Variants in KDM6A observed in about 807,000 individuals in gnomAD.
KDM6A encodes the protein lysine-specific demethylase 6A.
In KDM6A, 11 loss-of-function variants were observed where a neutral mutation model predicts 117.6. The ratio of observed to expected loss-of-function variants is 0.09; its 90% CI spans 0.06 to 0.15. The LOEUF is 0.15. KDM6A is among the 10% of genes least tolerant of loss of function. KDM6A has a pLI of 1.00. For missense variants in KDM6A, 799 were observed against 1,077.3 expected, an observed-to-expected ratio of 0.74 and a Z score of 3.62; for synonymous variants, 384 against 396.1, an observed-to-expected ratio of 0.97 and a Z score of 0.36.
rs754136490 is a variant in KDM6A, at chrX:44,964,942, T to G, written c.334+3550T>G. Among the ~76,000 whole-genome samples, 132 of 112,471 alleles carry G rather than the reference T, an allele frequency of 1.2e-3. 1 individual carries two copies. The highest frequency in any genetic ancestry group is 4.0e-3 in the African/African-American group (125 of 30,990). On this transcript the variant is annotated intron_variant, in intron 3 of 29. Transcript: ENST00000611820. ...CAATAGAAGGCTGTTTCACGGAGAT[T>G]GAAAATCTGTTGTTTAGTGTAGCTA... is the stretch of plus-strand genomic sequence containing the variant.
intron 2 of KDM6A, among the ~76,000 whole-genome samples, chrX:44,900,249 G>A (rs1413855988): frequency 8.9e-6 from 1 of 111,948 alleles, no homozygotes; most frequent in Non-Finnish European, 1.9e-5. Flanking sequence ...GCTTAAAATA[G>A]GCAAAGTGAT....
Position 45,059,423 on chromosome X carries a change from G to A in KDM6A, c.1151G>A (p.Cys384Tyr), listed in dbSNP as rs746139050. The change falls in exon 12 of 30, where the codon TGT becomes TAT. Residue 384 changes from cysteine (C) to tyrosine (Y), a missense_variant. Transcript: ENST00000611820. ...TTAAATGCAACTAGAAGCAAAAGTT[G>A]TAGTAATACCTCTGCACTTGCAGCA... ...CYLNATRSKS[C>Y]SNTSALAARI... is the part of the protein sequence containing the mutation. 1.7e-5 allele frequency: 21 copies of A among 1,208,479 alleles called. No individual in the cohort carries two copies. The highest frequency in any genetic ancestry group is 2.3e-5 in the Non-Finnish European group (21 of 894,178).
chrX:45,067,659 T>G (rs1017710255), intron 17 of KDM6A, among the ~76,000 whole-genome samples: 32 of 97,259 alleles, frequency 3.3e-4, no homozygotes, highest in Non-Finnish European at 6.2e-4. Flanking sequence ...TTTTGTTTTT[T>G]TTTTTTTTTT....
intron 6 of KDM6A, among the ~76,000 whole-genome samples, chrX:45,024,272 C>G (rs756391937): frequency 1.4e-4 from 16 of 111,759 alleles, no homozygotes; most frequent in African/African-American, 4.9e-4. Context: ...AAAGTGTTCC[C>G]TTTTCACCAC....
At chrX:44,997,258 A>G (rs772187376) in intron 4 of KDM6A, among the ~76,000 whole-genome samples, 2 of 111,990 alleles carry the variant, frequency 1.8e-5, no homozygotes, top group East Asian at 5.6e-4. Flanking sequence ...TTGGAGAATT[A>G]GTGTAAAGTT....
chrX:44,916,750 A>G (rs1023307577), intron 2 of KDM6A, among the ~76,000 whole-genome samples: 3 of 110,072 alleles, frequency 2.7e-5, no homozygotes, highest in African/African-American at 6.6e-5. Context: ...GGCTCAAGCA[A>G]TCCTCCCACC....
At chrX:45,058,486 G>GA (rs1398879856) in intron 10 of KDM6A, among the ~76,000 whole-genome samples, 1 of 110,793 alleles carries the variant, frequency 9.0e-6, no homozygotes, top group Non-Finnish European at 1.9e-5. Context: ...CTTAGTTTGA[G>GA]ATTAACTATG....
rs192649445 is a variant in KDM6A, at chrX:45,003,186, T to A, written c.385-7775T>A. On this transcript the variant is annotated intron_variant, in intron 4 of 29. Coordinates refer to ENST00000611820, the MANE Select transcript of KDM6A (RefSeq NM_001291415.2). ...TAGGCAATTTTCCTAATTCTGCTTGTACAAGAGTTGCCCTATCAATTACTG... is the reference window on the plus strand; with the variant it reads ...TAGGCAATTTTCCTAATTCTGCTTGAACAAGAGTTGCCCTATCAATTACTG... 1.0e-4 allele frequency among the ~76,000 whole-genome samples: 11 copies of A among 109,920 alleles called. No homozygotes were observed. In the East Asian group the frequency reaches 3.2e-3, roughly 31 times the overall value.
intron 2 of KDM6A, among the ~76,000 whole-genome samples, chrX:44,910,431 T>C (rs1376096802): frequency 1.8e-5 from 2 of 111,004 alleles, no homozygotes; most frequent in Non-Finnish European, 3.8e-5. Context: ...TCAAATGATC[T>C]GCCCGATTTG....
At chrX:44,949,049 CATG>C (rs760277847) in intron 2 of KDM6A, among the ~76,000 whole-genome samples, 4 of 112,018 alleles carry the variant, frequency 3.6e-5, no homozygotes, top group Non-Finnish European at 5.6e-5. Flanking sequence ...TATGTTTTGA[CATG>C]ATAATATATT....
At chrX:45,071,251 TG>T (rs1349039287) in intron 18 of KDM6A, among the ~76,000 whole-genome samples, 1 of 112,303 alleles carries the variant, frequency 8.9e-6, no homozygotes, top group Non-Finnish European at 1.9e-5. Flanking sequence ...GATCTTTTTT[TG>T]GTTGTAGATT....
intron 5 of KDM6A, among the ~76,000 whole-genome samples, chrX:45,017,653 A>G (rs760341292): frequency 5.3e-5 from 6 of 112,332 alleles, no homozygotes; most frequent in African/African-American, 1.9e-4. Flanking sequence ...AGAAGAACTG[A>G]TCAGTAAAGA....
chrX:44,950,847 C>CT (rs1186982639), intron 2 of KDM6A, among the ~76,000 whole-genome samples: 80 of 105,493 alleles, frequency 7.6e-4, no homozygotes, highest in East Asian at 1.2e-3. Flanking sequence ...CCTTTTTCTC[C>CT]TTTTTTTTTT....
rs781205689 is a variant in KDM6A at position 45,002,211 on chromosome X, C to G, written c.385-8750C>G. ...CTGTATGATTTTTATACTAGATAAG[C>G]TAAATTTCACCTTTATATTAGTGTG... On this transcript the variant is annotated intron_variant, in intron 4 of 29. Transcript: ENST00000611820. Among the ~76,000 whole-genome samples the G allele has an allele frequency of 3.0e-4, 33 of 110,052 alleles. 1 individual carries two copies. In the South Asian group the frequency reaches 0.013, roughly 43 times the overall value.
intron 6 of KDM6A, among the ~76,000 whole-genome samples, chrX:45,027,166 C>T (rs1896287640): frequency 9.2e-6 from 1 of 108,567 alleles, no homozygotes; most frequent in African/African-American, 3.4e-5. Flanking sequence ...TTTGTTAGTT[C>T]AGTAGTCTGA....
chrX:44,955,405 T>C (rs1276015511), intron 2 of KDM6A, among the ~76,000 whole-genome samples: 1 of 111,352 alleles, frequency 9.0e-6, no homozygotes, highest in Non-Finnish European at 1.9e-5. Flanking sequence ...CCAATAAAAG[T>C]GACCAGGATG....
At chrX:45,071,510 A>G (rs1218494793) in intron 18 of KDM6A, among the ~76,000 whole-genome samples, 2 of 111,606 alleles carry the variant, frequency 1.8e-5, no homozygotes, top group African/African-American at 6.5e-5. Context: ...TCTACCGTTA[A>G]ATGTTTGTCA....
At chrX:45,042,268 GAGGGGAGAGGGGAGAGGGGAGAGGGGAGA>G (rs2147853099) in intron 8 of KDM6A, among the ~76,000 whole-genome samples, 1 of 21,516 alleles carries the variant, frequency 4.6e-5, no homozygotes, top group East Asian at 1.6e-3. Flanking sequence ...GGAGAGGGGA[GAGGGGAGAGGGGAGAGGGGAGAGGGGAGA>G]GGGGAGAGGG....
intron 16 of KDM6A, among the ~76,000 whole-genome samples, chrX:45,063,177 AT>A (rs1181828478): frequency 4.7e-4 from 49 of 104,323 alleles, no homozygotes; most frequent in Admixed American, 6.2e-4. Flanking sequence ...TACTAATGGG[AT>A]TTTTTTTTTT....
Sources: allele counts gnomAD v4.1 joint callset (sites outside exome capture counted in the v4.1 genomes callset), GRCh38; gene constraint gnomAD v4.1.1; transcripts MANE v1.5; gene names NCBI Gene and HGNC (gene_info 2026-07-23, HGNC 2026-07-21).